RBFOX1: variants seen among roughly 807,000 people sequenced by gnomAD.
RBFOX1 encodes RNA binding protein fox-1 homolog 1.
In RBFOX1, 8 loss-of-function variants were observed where a neutral mutation model predicts 57.7. The ratio of observed to expected loss-of-function variants is 0.14; its 90% CI spans 0.08 to 0.25. RBFOX1 has a LOEUF of 0.25. Ranked by LOEUF, RBFOX1 falls within the 10% of genes least tolerant of loss-of-function variation. RBFOX1 has a pLI of 1.00. For missense variants in RBFOX1, 611 were observed against 548.5 expected, an observed-to-expected ratio of 1.11 and a Z score of -1.14; for synonymous variants, 326 against 222.4, an observed-to-expected ratio of 1.47 and a Z score of -4.15.
chr16:6,477,259 C>T (rs1212500127), intron 2 of RBFOX1, among the ~76,000 whole-genome samples: 1 of 152,166 alleles, frequency 6.6e-6, no homozygotes, highest in African/African-American at 2.4e-5. Flanking sequence ...GTGTACTTTG[C>T]CCAGAACCAT....
intron 14 of RBFOX1, among the ~76,000 whole-genome samples, chr16:7,679,398 C>T (rs797011264): frequency 5.9e-5 from 9 of 152,240 alleles, no homozygotes; most frequent in African/African-American, 2.2e-4. Flanking sequence ...CTGTAGAAGA[C>T]AGGCAAGATA....
At chr16:7,365,968 A>G (rs1041893540) in intron 4 of RBFOX1, among the ~76,000 whole-genome samples, 5 of 152,190 alleles carry the variant, frequency 3.3e-5, no homozygotes, top group African/African-American at 1.2e-4. Context: ...TGCTAATAGA[A>G]GGTGGGTGAG....
chr16:5,887,776 A>G (rs1388269672), intron 4 of RBFOX1, among the ~76,000 whole-genome samples: 5 of 152,164 alleles, frequency 3.3e-5, no homozygotes, highest in Non-Finnish European at 2.9e-5. Context: ...GAGGAGTCAG[A>G]CCACGCAACC....
At chr16:5,681,072 AAT>A (rs150115056) in intron 3 of RBFOX1, among the ~76,000 whole-genome samples, 25 of 149,356 alleles carry the variant, frequency 1.7e-4, no homozygotes, top group Non-Finnish European at 1.5e-4. Context: ...CCCATGAGGT[AAT>A]ATATATATAT....
intron 1 of RBFOX1, among the ~76,000 whole-genome samples, chr16:5,433,843 C>T (rs1241513272): frequency 1.3e-5 from 2 of 152,100 alleles, no homozygotes; most frequent in African/African-American, 4.8e-5. Context: ...GCGCTCAATA[C>T]ATGGTTATTA....
chr16:6,370,455 A>C (rs1056939899), intron 2 of RBFOX1, among the ~76,000 whole-genome samples: 3 of 149,748 alleles, frequency 2.0e-5, no homozygotes, highest in Non-Finnish European at 4.4e-5. Flanking sequence ...TTAACTAATC[A>C]TTTTTGCAAG....
intron 1 of RBFOX1, among the ~76,000 whole-genome samples, chr16:5,440,905 A>C (rs890258433): frequency 5.3e-5 from 8 of 152,184 alleles, no homozygotes; most frequent in Non-Finnish European, 1.5e-5. Context: ...GATTTTCGAA[A>C]GGTCACGCAC....
chr16:5,580,287 T>G (rs2046620108), intron 2 of RBFOX1, among the ~76,000 whole-genome samples: 1 of 152,156 alleles, frequency 6.6e-6, no homozygotes, highest in South Asian at 2.1e-4. Flanking sequence ...GCCGGCTGAT[T>G]GGATTCCACT....
intron 1 of RBFOX1, among the ~76,000 whole-genome samples, chr16:5,265,479 CAG>C: frequency 6.6e-6 from 1 of 152,256 alleles, no homozygotes; most frequent in Non-Finnish European, 1.5e-5. Flanking sequence ...CATGAGAACC[CAG>C]AGAATTGGAT....
chr16:6,747,983 C>T (rs1002974609), intron 3 of RBFOX1, among the ~76,000 whole-genome samples: 1 of 152,158 alleles, frequency 6.6e-6, no homozygotes, highest in Non-Finnish European at 1.5e-5. Context: ...TTTTGAAATG[C>T]ACCTATTATA....
intron 3 of RBFOX1, among the ~76,000 whole-genome samples, chr16:7,027,918 G>A (rs1467003122): frequency 6.7e-6 from 1 of 149,940 alleles, no homozygotes; most frequent in Non-Finnish European, 1.5e-5. Context: ...AAGAAAAGAA[G>A]GGAAAAGAGA....
chr16:7,019,146 C>T (rs1381950917), intron 3 of RBFOX1, among the ~76,000 whole-genome samples: 1 of 151,752 alleles, frequency 6.6e-6, no homozygotes, highest in African/African-American at 2.4e-5. Context: ...TTGAAAATAA[C>T]CATTCCTTTG....
intron 3 of RBFOX1, among the ~76,000 whole-genome samples, chr16:6,697,906 G>C (rs1373540814): frequency 1.3e-5 from 2 of 152,148 alleles, no homozygotes; most frequent in African/African-American, 4.8e-5. Flanking sequence ...GTGGCCAGAA[G>C]ACCAAAAGTC....
chr16:7,629,241 G>A (rs1278132491), intron 10 of RBFOX1, among the ~76,000 whole-genome samples: 1 of 152,182 alleles, frequency 6.6e-6, no homozygotes, highest in Admixed American at 6.5e-5. Flanking sequence ...ATTGTGTCTG[G>A]TTTACTGTCC....
intron 2 of RBFOX1, among the ~76,000 whole-genome samples, chr16:5,471,843 C>G (rs1032343692): frequency 6.6e-6 from 1 of 152,100 alleles, no homozygotes; most frequent in Non-Finnish European, 1.5e-5. Flanking sequence ...TGTGGCTAGA[C>G]CAAGGAGAAG....
intron 3 of RBFOX1, among the ~76,000 whole-genome samples, chr16:5,852,245 C>G (rs941430017): frequency 2.0e-5 from 3 of 152,174 alleles, no homozygotes; most frequent in African/African-American, 4.8e-5. Flanking sequence ...TCCTCTGCCT[C>G]AAATGCCCTC....
chr16:5,868,542 A>T (rs1198581669), intron 4 of RBFOX1, among the ~76,000 whole-genome samples: 2 of 152,324 alleles, frequency 1.3e-5, no homozygotes, highest in East Asian at 1.9e-4. Context: ...ACCTAAGGGG[A>T]GATCATTATC....
chr16:6,526,542 C>G (rs181309491), intron 2 of RBFOX1, among the ~76,000 whole-genome samples: 59 of 152,050 alleles, frequency 3.9e-4, no homozygotes, highest in South Asian at 1.9e-3. Flanking sequence ...ATGAAATACC[C>G]TAAGAGGGCC....
Position 7,477,880 on chromosome 16 carries a change from C to T in RBFOX1, c.28-40267C>T, listed in dbSNP as rs545920045. Among the ~76,000 whole-genome samples, 7 of 152,304 alleles carry T rather than the reference C, an allele frequency of 4.6e-5. No individual in the cohort carries two copies. In the South Asian group the frequency reaches 1.2e-3, roughly 27 times the overall value. On this transcript the variant is annotated intron_variant, in intron 4 of 15. Transcript: ENST00000550418. ...TATCAGAGGGCTTTGCTAGGGCTGGCAGCAGAGTCTAACAAAGACATCTTA... is the reference window on the plus strand; with the variant it reads ...TATCAGAGGGCTTTGCTAGGGCTGGTAGCAGAGTCTAACAAAGACATCTTA...
Sources: gnomAD v4.1 joint callset for allele counts (sites outside exome capture counted in the v4.1 genomes callset) on GRCh38, gnomAD v4.1.1 for gene constraint, MANE v1.5 for transcripts, NCBI Gene and HGNC (gene_info 2026-07-23, HGNC 2026-07-21) for gene names.